LRRC4C: variants seen among roughly 807,000 people sequenced by gnomAD.
LRRC4C encodes the protein leucine-rich repeat-containing protein 4C.
A neutral mutation model predicts 33.6 loss-of-function variants in LRRC4C; 5 were observed. The observed-to-expected ratio is 0.15, with a 90% CI of 0.08 to 0.31. The LOEUF (loss-of-function observed/expected upper bound fraction) is 0.31. Among genes scored for constraint, LRRC4C ranks in the 10% least tolerant of loss-of-function variants. The pLI is 1.00. For synonymous variants in LRRC4C, 329 were observed against 302.0 expected (o/e 1.09, Z -0.93); for missense variants, 560 against 796.7 (o/e 0.70, Z 3.58).
Position 40,881,426 on chromosome 11 carries a change from T to C in LRRC4C, c.-407+52209A>G, listed in dbSNP as rs139444988. 2.0e-5 allele frequency among the ~76,000 whole-genome samples: 3 copies of C among 152,260 alleles called. No individual in the cohort carries two copies. The East Asian group carries it at 5.8e-4, about 29-fold the overall frequency. On this transcript the variant is annotated intron_variant, in intron 2 of 6. Coordinates refer to ENST00000528697, the MANE Select transcript of LRRC4C (RefSeq NM_001258419.2). Reference sequence around the variant, plus strand: ...TTGCAAGTTACTTAAGGGTAAGATATATTGGGTTTGTGTGTTTTGCGTCAA... The same window carrying C: ...TTGCAAGTTACTTAAGGGTAAGATACATTGGGTTTGTGTGTTTTGCGTCAA...
chr11:40,855,713 A>G (rs1180298053), intron 2 of LRRC4C, among the ~76,000 whole-genome samples: 2 of 152,074 alleles, frequency 1.3e-5, no homozygotes, highest in African/African-American at 4.8e-5. Context: ...TATTTATGAG[A>G]CTGAGCCTGT....
intron 1 of LRRC4C, among the ~76,000 whole-genome samples, chr11:41,188,441 C>T (rs536821639): frequency 6.6e-5 from 10 of 151,988 alleles, no homozygotes; most frequent in African/African-American, 1.4e-4. Context: ...ATGGAGCCTT[C>T]GGAGTTAGAC....
chr11:40,361,933 G>C (rs1947972629), intron 3 of LRRC4C, among the ~76,000 whole-genome samples: 1 of 152,116 alleles, frequency 6.6e-6, no homozygotes, highest in South Asian at 2.1e-4. Context: ...CAATGGAACA[G>C]AATAGAGAAC....
At chr11:40,739,069 A>T (rs931521559) in intron 2 of LRRC4C, among the ~76,000 whole-genome samples, 1 of 150,584 alleles carries the variant, frequency 6.6e-6, no homozygotes. Context: ...AAGATTTGAG[A>T]TCTACCTTCT....
At chr11:40,200,914 G>T (rs564459749) in intron 5 of LRRC4C, among the ~76,000 whole-genome samples, 1 of 152,030 alleles carries the variant, frequency 6.6e-6, no homozygotes, top group Admixed American at 6.6e-5. Context: ...ACTCCTAAGC[G>T]TCACATCTTT....
At chr11:41,433,588 A>T (rs146501311) in intron 1 of LRRC4C, among the ~76,000 whole-genome samples, 106 of 152,242 alleles carry the variant, frequency 7.0e-4, no homozygotes, top group African/African-American at 2.5e-3. Flanking sequence ...GCCAGCTAAC[A>T]CAAAGCAGAC....
At chr11:40,421,752 C>A (rs1950532218) in intron 3 of LRRC4C, among the ~76,000 whole-genome samples, 1 of 152,084 alleles carries the variant, frequency 6.6e-6, no homozygotes, top group Non-Finnish European at 1.5e-5. Context: ...GTCACTGGAC[C>A]AATTAAGATT....
chr11:40,472,011 C>G (rs537874727), intron 3 of LRRC4C, among the ~76,000 whole-genome samples: 1 of 152,078 alleles, frequency 6.6e-6, no homozygotes, highest in Non-Finnish European at 1.5e-5. Flanking sequence ...GAAACTCACT[C>G]GAGGCCGGGC....
chr11:40,486,744 G>GTA (rs1420002051), intron 3 of LRRC4C, among the ~76,000 whole-genome samples: 2 of 151,920 alleles, frequency 1.3e-5, no homozygotes, highest in African/African-American at 4.8e-5. Context: ...AAAATGGTGT[G>GTA]TATATAGATA....
intron 5 of LRRC4C, among the ~76,000 whole-genome samples, chr11:40,216,502 A>G (rs976857717): frequency 6.6e-6 from 1 of 152,142 alleles, no homozygotes; most frequent in African/African-American, 2.4e-5. Context: ...TTCCAGATGG[A>G]AGACAATGTT....
intron 4 of LRRC4C, among the ~76,000 whole-genome samples, chr11:40,298,992 G>A (rs1944645845): frequency 1.3e-5 from 2 of 152,168 alleles, no homozygotes; most frequent in South Asian, 4.1e-4. Context: ...ATGAGATTTG[G>A]GTGGGGATGC....
At chr11:41,244,944 A>G (rs1307783215) in intron 1 of LRRC4C, among the ~76,000 whole-genome samples, 2 of 152,182 alleles carry the variant, frequency 1.3e-5, no homozygotes, top group Non-Finnish European at 2.9e-5. Flanking sequence ...TATTTTGCCT[A>G]CATCACCTGT....
At chr11:41,393,585 C>A (rs1465123906) in intron 1 of LRRC4C, among the ~76,000 whole-genome samples, 2 of 151,654 alleles carry the variant, frequency 1.3e-5, no homozygotes, top group African/African-American at 4.8e-5. Context: ...TTGTAACCTG[C>A]AAAAATGCTA....
At chr11:40,236,015 G>A (rs1388688145) in intron 5 of LRRC4C, among the ~76,000 whole-genome samples, 1 of 151,818 alleles carries the variant, frequency 6.6e-6, no homozygotes, top group African/African-American at 2.4e-5. Context: ...GTGCCCAACA[G>A]AGAAAGAGCT....
intron 1 of LRRC4C, among the ~76,000 whole-genome samples, chr11:40,972,971 C>G (rs1272917951): frequency 6.6e-6 from 1 of 152,088 alleles, no homozygotes; most frequent in African/African-American, 2.4e-5. Flanking sequence ...AACACCATCC[C>G]CCTTGGTGCT....
chr11:40,328,024 C>A (rs1342567952), intron 3 of LRRC4C, among the ~76,000 whole-genome samples: 1 of 151,758 alleles, frequency 6.6e-6, no homozygotes, highest in Non-Finnish European at 1.5e-5. Context: ...CAAATATGTA[C>A]CACAGACAGT....
chr11:40,163,831 AGG>A (rs1331905215), intron 5 of LRRC4C, among the ~76,000 whole-genome samples: 1 of 152,000 alleles, frequency 6.6e-6, no homozygotes, highest in Non-Finnish European at 1.5e-5. Context: ...GCAAGTTATA[AGG>A]ATTTATAACT....
chr11:40,440,299 C>CTT (rs66998647), intron 3 of LRRC4C, among the ~76,000 whole-genome samples: 17 of 131,860 alleles, frequency 1.3e-4, no homozygotes, highest in African/African-American at 3.2e-4. Context: ...TGGTCTCTTT[C>CTT]TTTTTTTTTT....
intron 6 of LRRC4C, among the ~76,000 whole-genome samples, chr11:40,126,448 G>A (rs1433779442): frequency 6.6e-6 from 1 of 152,114 alleles, no homozygotes; most frequent in Non-Finnish European, 1.5e-5. Flanking sequence ...GTCATGTGCT[G>A]GAGTGTATAA....
Sources: allele counts gnomAD v4.1 joint callset (sites outside exome capture counted in the v4.1 genomes callset), GRCh38; gene constraint gnomAD v4.1.1; transcripts MANE v1.5; gene names NCBI Gene and HGNC (gene_info 2026-07-23, HGNC 2026-07-21).